The following MRNIP variants were observed in gnomAD, a reference collection of about 807,000 sequenced individuals.
MRNIP encodes the protein MRN complex-interacting protein.
Under a neutral mutation model 29.8 loss-of-function variants are expected in MRNIP, and 30 were observed. The observed-to-expected ratio is 1.01, with a 90% CI of 0.75 to 1.36. The LOEUF (loss-of-function observed/expected upper bound fraction) is 1.36, where lower values mean the gene tolerates loss of function less well. Ranked by LOEUF, MRNIP falls within the 40% of genes most tolerant of loss-of-function variation. MRNIP has a pLI of 0.00. For missense variants in MRNIP, 459 were observed against 423.5 expected, an observed-to-expected ratio of 1.08 and a Z score of -0.74; for synonymous variants, 201 against 164.1, an observed-to-expected ratio of 1.23 and a Z score of -1.72.
chr5:179,851,849 G>A (rs1759383197), intron 2 of MRNIP, among the ~76,000 whole-genome samples: 1 of 151,840 alleles, frequency 6.6e-6, no homozygotes, highest in Admixed American at 6.6e-5. Context: ...GTGGTGGTGG[G>A]AGCCTGTGGT....
Position 179,837,330 on chromosome 5 carries a change from C to A in MRNIP, c.*61G>T. On this transcript the variant is annotated 3_prime_UTR_variant, in exon 7 of 7. Transcript: ENST00000292586. The stretch of plus-strand genomic sequence containing the variant: ...TCTTACAGAGTATCTTTAAAAGTGC[C>A]TTAGGGGAACCCTGTCCCTCCTAAC... The A allele has an allele frequency of 6.3e-7, 1 of 1,588,418 alleles. No homozygotes were observed. The highest frequency in any genetic ancestry group is 8.6e-7 in the Non-Finnish European group (1 of 1,167,146).
chr5:179,849,960 G>C (rs975710196), intron 2 of MRNIP, among the ~76,000 whole-genome samples: 1 of 151,314 alleles, frequency 6.6e-6, no homozygotes, highest in Non-Finnish European at 1.5e-5. Context: ...GATGGAATTT[G>C]AGAGTACGGG....
At chr5:179,852,821 C>T (rs1206252434) in intron 2 of MRNIP, among the ~76,000 whole-genome samples, 1 of 152,162 alleles carries the variant, frequency 6.6e-6, no homozygotes, top group Non-Finnish European at 1.5e-5. Flanking sequence ...AGGGGCAATA[C>T]GGATGGACTG....
At chr5:179,855,224 A>T (rs1320831632) in intron 1 of MRNIP, among the ~76,000 whole-genome samples, 1 of 149,350 alleles carries the variant, frequency 6.7e-6, no homozygotes, top group East Asian at 2.0e-4. Flanking sequence ...GGCTTAGTGC[A>T]ACCTCCACCT....
intron 3 of MRNIP, chr5:179,847,160 ACT>A (rs1491406338): frequency 1.1e-4 from 7 of 62,102 alleles, no homozygotes; most frequent in Non-Finnish European, 2.1e-4. Context: ...AGAGTTACTT[ACT>A]TTTTTTTTTT....
intron 1 of MRNIP, among the ~76,000 whole-genome samples, chr5:179,853,736 C>T (rs1759469326): frequency 6.6e-6 from 1 of 151,356 alleles, no homozygotes; most frequent in African/African-American, 2.4e-5. Flanking sequence ...TGCACCACTG[C>T]ACTCCAGCCT....
chr5:179,840,608 G>A (rs771391987), intron 6 of MRNIP: 1 of 569,210 alleles, frequency 1.8e-6, no homozygotes, highest in Non-Finnish European at 3.1e-6. Flanking sequence ...AGGTTGACCT[G>A]CTGGCCAACC....
At chr5:179,858,541 T>C (rs1385828076) in intron 1 of MRNIP, among the ~76,000 whole-genome samples, 190 bp downstream of exon 1, 1 of 152,230 alleles carries the variant, frequency 6.6e-6, no homozygotes, top group Non-Finnish European at 1.5e-5. Flanking sequence ...CTCTGGTTTG[T>C]ACAAGAACCA....
chr5:179,842,010 G>A lies in MRNIP; in HGVS notation c.346C>T (p.Gln116Ter). The A allele has an allele frequency of 6.2e-7, 1 of 1,614,110 alleles. No individual in the cohort carries two copies. Among genetic ancestry groups the A allele is most frequent in the Non-Finnish European group, 8.5e-7 (1 of 1,179,982 alleles). Residue 116 changes from glutamine to a stop codon, truncating the protein, a stop_gained, in exon 5 of 7, where the codon CAA (glutamine) becomes TAA (stop). Coordinates refer to ENST00000292586, the MANE Select transcript of MRNIP (RefSeq NM_016175.4). LOFTEE classifies it high-confidence loss of function. ...RWLKYLEKDS[Q>*]ELELEGTGVC... is the part of the protein sequence containing the mutation. The stretch of plus-strand genomic sequence containing the variant: ...CCTGTTCCTTCCAGCTCCAGTTCTT[G>A]GGAGTCCTTTTCTAGATACTTCAGC...
intron 4 of MRNIP, among the ~76,000 whole-genome samples, chr5:179,843,189 C>T (rs973328933): frequency 2.6e-5 from 4 of 151,670 alleles, no homozygotes; most frequent in South Asian, 4.2e-4. Flanking sequence ...TTTTTTGAGA[C>T]GTTGGGGCTC....
At chr5:179,858,474 C>T (rs1204378631) in intron 1 of MRNIP, among the ~76,000 whole-genome samples, 3 of 152,222 alleles carry the variant, frequency 2.0e-5, no homozygotes, top group Admixed American at 1.3e-4. Flanking sequence ...TATACTCAAC[C>T]GGATTCTCCC....
chr5:179,838,049 G>T, intron 6 of MRNIP, 164 bp from the exon 7 acceptor site: 1 of 638,606 alleles, frequency 1.6e-6, no homozygotes, highest in Non-Finnish European at 2.7e-6. Context: ...GCAAGACAAA[G>T]CAAATAAATG....
rs1276665071 is a variant in MRNIP at position 179,848,025 on chromosome 5, G to T, written c.168C>A (p.Val56=). The change falls in exon 3 of 7, where the codon GTC becomes GTA. Residue 56 remains valine (V), a synonymous_variant. Coordinates refer to ENST00000292586, the MANE Select transcript of MRNIP (RefSeq NM_016175.4). ...EGSGADCRRH[V]QKLNLLQGQV... ...GTCCCTGTAGTAGATTTAACTTTTG[G>T]ACATGGCGTCTACAATCAGCACCAG... 1 of 1,613,954 alleles carries T rather than the reference G, an allele frequency of 6.2e-7. No homozygotes were observed. The highest frequency in any genetic ancestry group is 8.5e-7 in the Non-Finnish European group (1 of 1,179,930).
At chr5:179,851,714 C>T (rs1318955042) in intron 2 of MRNIP, among the ~76,000 whole-genome samples, 7 of 152,134 alleles carry the variant, frequency 4.6e-5, no homozygotes, top group Admixed American at 4.6e-4. Flanking sequence ...CACGGTGGCT[C>T]ACGCCTGTAA....
At chr5:179,846,998 G>C (rs909363479) in intron 3 of MRNIP, 3 of 152,104 alleles carry the variant, frequency 2.0e-5, no homozygotes, top group Admixed American at 6.5e-5. Context: ...CAGCAGCTCA[G>C]GTGCTTCCTC....
At position 179,857,055 on chromosome 5, in the gene MRNIP, C is replaced by A. The variant is rs1582061042; in HGVS notation, c.66+1676G>T. On this transcript the variant is annotated intron_variant, in intron 1 of 6. Transcript: ENST00000292586. ...GAGCTGTGATTGTTACCACTGCACTCCAATCTGGGCGACAAAGCGAGACCT... is the reference window on the plus strand; with the variant it reads ...GAGCTGTGATTGTTACCACTGCACTACAATCTGGGCGACAAAGCGAGACCT... Among the ~76,000 whole-genome samples the A allele has an allele frequency of 7.9e-5, 12 of 152,174 alleles. 1 individual carries two copies. The South Asian group carries it at 2.5e-3, about 32-fold the overall frequency.
chr5:179,837,906 G>A (rs376162024), intron 6 of MRNIP, 21 bp from the exon 7 acceptor site: 63 of 1,594,840 alleles, frequency 4.0e-5, no homozygotes, highest in Non-Finnish European at 4.9e-5. Context: ...AGATGGCCAT[G>A]CCCTCCATGT....
intron 3 of MRNIP, 80 bp downstream of exon 3, chr5:179,847,898 G>C (rs993808167): frequency 4.1e-6 from 4 of 981,294 alleles, no homozygotes; most frequent in Non-Finnish European, 6.3e-6. Flanking sequence ...GCCCAGCTCA[G>C]GATTTCCACT....
chr5:179,853,169 T>C, intron 2 of MRNIP: 1 of 1,456,558 alleles, frequency 6.9e-7, no homozygotes, highest in East Asian at 2.6e-5. Flanking sequence ...AAGAAATACT[T>C]GCTGAATGAA....
Sources: allele counts gnomAD v4.1 joint callset (sites outside exome capture counted in the v4.1 genomes callset), GRCh38; gene constraint gnomAD v4.1.1; transcripts MANE v1.5; gene names NCBI Gene and HGNC (gene_info 2026-07-23, HGNC 2026-07-21).